Variants in SPMIP2 observed in about 807,000 individuals in gnomAD.
SPMIP2 encodes protein SPMIP2.
the SPMIP2 span, among the ~76,000 whole-genome samples, chr4:159,021,156 T>C: frequency 6.6e-6 from 1 of 152,236 alleles, no homozygotes; most frequent in East Asian, 1.9e-4. Flanking sequence ...CAGAAATGAC[T>C]AGACAAACTC....
chr4:159,026,124 T>A, the SPMIP2 span: 4 of 298,712 alleles, frequency 1.3e-5, no homozygotes, highest in African/African-American at 6.6e-5. Flanking sequence ...ATGCCCACCA[T>A]GACCACTGTT....
the SPMIP2 span, chr4:159,007,421 T>C: frequency 4.5e-6 from 3 of 668,914 alleles, no homozygotes; most frequent in Admixed American, 1.8e-5. Context: ...GAAGGTCCTG[T>C]TCCTGCTTGC....
At chr4:158,942,925 T>C in the SPMIP2 span, among the ~76,000 whole-genome samples, 1 of 152,238 alleles carries the variant, frequency 6.6e-6, no homozygotes, top group African/African-American at 2.4e-5. Context: ...TAAGCTCTTT[T>C]AGGGCAGGAA....
chr4:159,069,100 C>T, the SPMIP2 span, among the ~76,000 whole-genome samples: 3 of 152,208 alleles, frequency 2.0e-5, no homozygotes, highest in Admixed American at 1.3e-4. Context: ...GTCAGGAGTT[C>T]GAGACTAGCC....
the SPMIP2 span, among the ~76,000 whole-genome samples, chr4:158,962,214 A>G: frequency 1.3e-5 from 2 of 152,198 alleles, no homozygotes; most frequent in East Asian, 3.8e-4. Context: ...ATTCTAGTTA[A>G]AAATTAAAAT....
At chr4:158,972,200 A>G in the SPMIP2 span, among the ~76,000 whole-genome samples, 1 of 152,152 alleles carries the variant, frequency 6.6e-6, no homozygotes, top group Non-Finnish European at 1.5e-5. Flanking sequence ...CATCTCTACT[A>G]AAAATACAAA....
At chr4:159,008,573 G>GAA in the SPMIP2 span, among the ~76,000 whole-genome samples, 15 of 151,274 alleles carry the variant, frequency 9.9e-5, no homozygotes, top group Middle Eastern at 3.4e-3. Flanking sequence ...TGTCTCAAAA[G>GAA]AAAAAAAAAT....
the SPMIP2 span, chr4:158,915,302 G>A: frequency 2.5e-6 from 4 of 1,613,540 alleles, no homozygotes; most frequent in South Asian, 1.1e-5. Flanking sequence ...TCATATGCCA[G>A]GCAAAAGAAG....
chr4:158,956,072 CCT>C, the SPMIP2 span, among the ~76,000 whole-genome samples: 35,606 of 152,088 alleles, frequency 0.23, 4,490 homozygotes, highest in Non-Finnish European at 0.29. Flanking sequence ...TTAAACTCTT[CCT>C]CTCAAAATTC....
At chr4:158,998,336 T>C in the SPMIP2 span, among the ~76,000 whole-genome samples, 1 of 152,240 alleles carries the variant, frequency 6.6e-6, no homozygotes, top group Non-Finnish European at 1.5e-5. Context: ...TTATCTTACA[T>C]CTCCTTCTTG....
chr4:158,987,452 A>G, the SPMIP2 span, among the ~76,000 whole-genome samples: 1 of 152,206 alleles, frequency 6.6e-6, no homozygotes, highest in Non-Finnish European at 1.5e-5. Context: ...CTATGCAGCC[A>G]TAAAAAATGA....
chr4:159,078,869 G>A, the SPMIP2 span, among the ~76,000 whole-genome samples: 3 of 152,184 alleles, frequency 2.0e-5, no homozygotes, highest in Non-Finnish European at 4.4e-5. Flanking sequence ...TGTAATCCCA[G>A]CACTTTGGGA....
At chr4:158,959,592 TA>T in the SPMIP2 span, among the ~76,000 whole-genome samples, 1 of 152,114 alleles carries the variant, frequency 6.6e-6, no homozygotes, top group Non-Finnish European at 1.5e-5. Flanking sequence ...CTTCAACAAT[TA>T]AAAGTGAAGT....
the SPMIP2 span, among the ~76,000 whole-genome samples, chr4:159,002,552 T>C: frequency 6.6e-6 from 1 of 152,066 alleles, no homozygotes; most frequent in Non-Finnish European, 1.5e-5. Flanking sequence ...GATCACAAAG[T>C]TTTTCTCCTA....
At chr4:158,943,976 C>T in the SPMIP2 span, among the ~76,000 whole-genome samples, 2 of 150,862 alleles carry the variant, frequency 1.3e-5, no homozygotes, top group Non-Finnish European at 2.9e-5. Flanking sequence ...CTGCCTCAGC[C>T]TCCCAAGTAG....
the SPMIP2 span, among the ~76,000 whole-genome samples, chr4:159,064,917 C>T: frequency 6.6e-6 from 1 of 152,146 alleles, no homozygotes; most frequent in Non-Finnish European, 1.5e-5. Flanking sequence ...GATTATCTCT[C>T]AACTCATATT....
the SPMIP2 span, among the ~76,000 whole-genome samples, chr4:158,976,758 T>C: frequency 7.1e-6 from 1 of 140,514 alleles, no homozygotes; most frequent in South Asian, 2.2e-4. Context: ...ATTTCCCAGG[T>C]TCAAGCAATT....
the SPMIP2 span, among the ~76,000 whole-genome samples, chr4:158,971,374 A>G: frequency 6.6e-6 from 1 of 152,200 alleles, no homozygotes; most frequent in Non-Finnish European, 1.5e-5. Context: ...GTGGAATAGG[A>G]CACAGTTTAA....
At chr4:159,007,851 G>A in the SPMIP2 span, 1 of 542,440 alleles carries the variant, frequency 1.8e-6, no homozygotes, top group Non-Finnish European at 3.6e-6. Context: ...GGACTAGAAG[G>A]AAAATAAATG....
Sources: allele counts gnomAD v4.1 joint callset (sites outside exome capture counted in the v4.1 genomes callset), GRCh38; gene constraint gnomAD v4.1.1; transcripts MANE v1.5; gene names NCBI Gene and HGNC (gene_info 2026-07-23, HGNC 2026-07-21).